Variants in AGO2 observed in about 807,000 individuals in gnomAD.
AGO2 encodes the protein protein argonaute-2.
In AGO2, 5 loss-of-function variants were observed where a neutral mutation model predicts 102.3. The ratio of observed to expected loss-of-function variants is 0.05; its 90% CI spans 0.03 to 0.10. The LOEUF is 0.10. Among genes scored for constraint, AGO2 ranks in the 10% least tolerant of loss-of-function variants. AGO2 has a pLI of 1.00. For synonymous variants in AGO2, 449 were observed against 473.1 expected (o/e 0.95, Z 0.66); for missense variants, 541 against 1,183.7 (o/e 0.46, Z 7.97).
chr8:140,527,415 C>G lies in AGO2; in HGVS notation c.*4629G>C, dbSNP rs1036791893. 1 of 152,790 alleles carries G rather than the reference C, an allele frequency of 6.5e-6. No individual in the cohort carries two copies. The highest frequency in any genetic ancestry group is 6.5e-5 in the Admixed American group (1 of 15,286). The allele number at this position is 152,790 out of a possible 1,614,324, so 9.5% of individuals were successfully genotyped here. On this transcript the variant is annotated 3_prime_UTR_variant, in exon 19 of 19. Coordinates refer to ENST00000220592, the MANE Select transcript of AGO2 (RefSeq NM_012154.5). The surrounding 1 kb of genome is among the most constrained non-coding windows in gnomAD (Gnocchi z 6.0). ...TATTTACAATCATCTCAAACAAGTACAGCAGATGCGAAGTGGGACATCGTA... is the reference window on the plus strand; with the variant it reads ...TATTTACAATCATCTCAAACAAGTAGAGCAGATGCGAAGTGGGACATCGTA...
Position 140,568,351 on chromosome 8 carries a change from G to A in AGO2, c.336+4461C>T, listed in dbSNP as rs115809234. ...GAAGCCAGGGAAAAGGCACAGAGGC[G>A]CAGCTGCCTTTCAAAAGGCTGTTCC... On this transcript the variant is annotated intron_variant, in intron 3 of 18. Coordinates refer to ENST00000220592, the MANE Select transcript of AGO2 (RefSeq NM_012154.5). 5.7e-3 allele frequency among the ~76,000 whole-genome samples: 860 copies of A among 151,312 alleles called. 9 individuals are homozygous for A. The highest frequency in any genetic ancestry group is 0.02 in the African/African-American group (812 of 41,190).
At chr8:140,634,077 A>G (rs11166985) in intron 1 of AGO2, among the ~76,000 whole-genome samples, 107,744 of 152,186 alleles carry the variant, frequency 0.71, 38,442 homozygotes, top group Admixed American at 0.78. Flanking sequence ...TGGCCACCCA[A>G]GGCCTCTAGA....
At chr8:140,541,515 C>A in intron 14 of AGO2, 157 bp from the exon 15 acceptor site, 2 of 661,906 alleles carry the variant, frequency 3.0e-6, no homozygotes, top group Non-Finnish European at 4.9e-6. Context: ...TGAACTCAGC[C>A]TTTAGGCTTT....
intron 11 of AGO2, 106 bp from the exon 12 acceptor site, chr8:140,549,404 C>A: frequency 8.5e-7 from 1 of 1,181,972 alleles, no homozygotes; most frequent in Non-Finnish European, 1.2e-6. Context: ...GCCCAAAGCA[C>A]TTTCATTGAG....
At chr8:140,614,998 C>G (rs2074122632) in intron 1 of AGO2, among the ~76,000 whole-genome samples, 1 of 152,234 alleles carries the variant, frequency 6.6e-6, no homozygotes, top group African/African-American at 2.4e-5. Flanking sequence ...CCAACACCAC[C>G]ATTCACATAT....
At chr8:140,642,305 C>G in the AGO2 span, among the ~76,000 whole-genome samples, 2 of 152,172 alleles carry the variant, frequency 1.3e-5, no homozygotes, top group Non-Finnish European at 2.9e-5. Flanking sequence ...TCTGAAGAGG[C>G]AGCGGGTGGA....
chr8:140,541,424 G>A (rs2072796098), intron 14 of AGO2, 66 bp from the exon 15 acceptor site: 3 of 1,420,940 alleles, frequency 2.1e-6, no homozygotes, highest in South Asian at 2.8e-5. Flanking sequence ...GCATGTGCCT[G>A]GACTCTCGGG....
Position 140,635,570 on chromosome 8 carries a change from C to A in AGO2, c.-64G>T. The stretch of plus-strand genomic sequence containing the variant: ...CGCGCGCGCGCCACGGGCCCCGACG[C>A]CGCGAGCCGCGAGGGAGCCGCCGGC... On this transcript the variant is annotated 5_prime_UTR_variant, in exon 1 of 19. Coordinates refer to ENST00000220592, the MANE Select transcript of AGO2 (RefSeq NM_012154.5). 1.0e-6 allele frequency: 1 copy of A among 965,994 alleles called. No individual in the cohort carries two copies. Among genetic ancestry groups the A allele is most frequent in the Non-Finnish European group, 1.2e-6 (1 of 815,276 alleles). The allele number at this position is 965,994 out of a possible 1,614,324, so 59.8% of individuals were successfully genotyped here. A position where few individuals can be genotyped will look rare whatever the true frequency, so the allele number is the denominator to read the frequency against.
chr8:140,624,876 T>C (rs774848998), intron 1 of AGO2, among the ~76,000 whole-genome samples: 1 of 152,178 alleles, frequency 6.6e-6, no homozygotes, highest in Non-Finnish European at 1.5e-5. Flanking sequence ...AGAAGCAGCA[T>C]CAACCACAGA....
In AGO2 at chr8:140,525,809, G is replaced by C. The variant is rs1451931105; in HGVS notation, c.*6235C>G. On this transcript the variant is annotated 3_prime_UTR_variant, in exon 19 of 19. Coordinates refer to ENST00000220592, the MANE Select transcript of AGO2 (RefSeq NM_012154.5). ...GGAACCCAAAGAAAGAAGCGAAGGA[G>C]GCCCCGGGCCCACAGCACAGTGTAT... 6.6e-6 allele frequency: 1 copy of C among 152,244 alleles called. No individual in the cohort carries two copies. Among genetic ancestry groups the C allele is most frequent in the Non-Finnish European group, 1.5e-5 (1 of 68,080 alleles). The allele number at this position is 152,244 out of a possible 1,614,324, so 9.4% of individuals were successfully genotyped here.
Position 140,535,477 on chromosome 8 carries a change from A to G in AGO2, c.2262T>C (p.Ala754=), listed in dbSNP as rs1242933248. Residue 754 remains alanine, a synonymous_variant, in exon 17 of 19, where the codon GCT becomes GCC. Transcript: ENST00000220592. The stretch of plus-strand genomic sequence containing the variant: ...GGACTCCCGGCCTTACCTGGATGCC[A>G]GCGTGACTACACAGGTAGAAGTCGA... The part of the protein sequence containing the change: ...TEFDFYLCSH[A]GIQGTSRPSH... 2.5e-6 allele frequency: 4 copies of G among 1,614,182 alleles called. No individual in the cohort carries two copies. Among genetic ancestry groups the G allele is most frequent in the East Asian group, 2.2e-5 (1 of 44,878 alleles).
chr8:140,602,554 A>C (rs945011130), intron 1 of AGO2, among the ~76,000 whole-genome samples: 21 of 152,246 alleles, frequency 1.4e-4, no homozygotes, highest in African/African-American at 5.1e-4. Context: ...AGCTTTAAGT[A>C]AAATCTCCCT....
intron 1 of AGO2, among the ~76,000 whole-genome samples, chr8:140,630,769 C>T (rs936870431): frequency 1.3e-5 from 2 of 152,222 alleles, no homozygotes; most frequent in South Asian, 2.1e-4. Flanking sequence ...CATACAGTGT[C>T]GCTTCTGCTG....
Position 140,525,726 on chromosome 8 carries a change from C to CA in AGO2, c.*6317dup, listed in dbSNP as rs993695223. On this transcript the variant is annotated 3_prime_UTR_variant, in exon 19 of 19. Coordinates refer to ENST00000220592, the MANE Select transcript of AGO2 (RefSeq NM_012154.5). ...ACTGTCAGATCATCGCCTGTCAACT[C>CA]AGAGTAAACTCATGGAGAAATTGGG... 13 of 152,192 alleles carry CA rather than the reference C, an allele frequency of 8.5e-5. No homozygotes were observed. The highest frequency in any genetic ancestry group is 3.1e-4 in the African/African-American group (13 of 41,488). The allele number at this position is 152,192 out of a possible 1,614,324, so 9.4% of individuals were successfully genotyped here.
chr8:140,540,457 T>C lies in AGO2; in HGVS notation c.2034+707A>G, dbSNP rs1158514882. Among the ~76,000 whole-genome samples the C allele has an allele frequency of 6.6e-6, 1 of 152,152 alleles. No individual in the cohort carries two copies. The highest frequency in any genetic ancestry group is 1.5e-5 in the Non-Finnish European group (1 of 68,004). ...TGGCATGGCGAGGGGTGGGGAGGAA[T>C]CGGCTCTAGCCAACGGGAGAAACAT... is the stretch of plus-strand genomic sequence containing the variant. On this transcript the variant is annotated intron_variant, in intron 15 of 18. Coordinates refer to ENST00000220592, the MANE Select transcript of AGO2 (RefSeq NM_012154.5). This position sits in a 1 kb window ranked among gnomAD's most constrained non-coding sequence, Gnocchi z 5.0.
At chr8:140,552,723 C>T (rs1588449918) in intron 10 of AGO2, among the ~76,000 whole-genome samples, 1 of 142,328 alleles carries the variant, frequency 7.0e-6, no homozygotes, top group Non-Finnish European at 1.5e-5. Flanking sequence ...AACACACGCA[C>T]ATGCACGCGC....
chr8:140,533,405 A>G (rs1334623804), intron 17 of AGO2, among the ~76,000 whole-genome samples: 3 of 151,394 alleles, frequency 2.0e-5, no homozygotes, highest in African/African-American at 7.3e-5. Flanking sequence ...AAAAAAAAAA[A>G]AAGATATAAA....
chr8:140,520,975 T>C lies in AGO2; in HGVS notation c.*11069A>G, dbSNP rs1436150952. On this transcript the variant is annotated 3_prime_UTR_variant, in exon 19 of 19. Coordinates refer to ENST00000220592, the MANE Select transcript of AGO2 (RefSeq NM_012154.5). ...GGATACTATATCCCTACAAGAGTAA[T>C]TTTTAAATTTCTTTCAACAGTCTAT... is the stretch of plus-strand genomic sequence containing the variant. 1.3e-5 allele frequency: 2 copies of C among 152,172 alleles called. No homozygotes were observed. Among genetic ancestry groups the C allele is most frequent in the Non-Finnish European group, 2.9e-5 (2 of 68,030 alleles). 9.4% of individuals were successfully genotyped at this position (152,172 alleles called of 1,614,324 possible).
chr8:140,538,399 G>A (rs2072734232), intron 16 of AGO2, among the ~76,000 whole-genome samples: 1 of 152,192 alleles, frequency 6.6e-6, no homozygotes, highest in Non-Finnish European at 1.5e-5. Context: ...TTGATGTTAT[G>A]CAGGTAGGAC....
Sources: allele counts gnomAD v4.1 joint callset (sites outside exome capture counted in the v4.1 genomes callset), GRCh38; gene constraint gnomAD v4.1.1; non-coding constraint Gnocchi (gnomAD v3.1); transcripts MANE v1.5; gene names NCBI Gene and HGNC (gene_info 2026-07-23, HGNC 2026-07-21).